The following GSE1 variants were observed in gnomAD, a reference collection of about 807,000 sequenced individuals.
GSE1 encodes Gse1 coiled-coil protein.
Under a neutral mutation model 112.6 loss-of-function variants are expected in GSE1, and 32 were observed. The ratio of observed to expected loss-of-function variants is 0.28; its 90% confidence interval spans 0.21 to 0.38. The LOEUF (loss-of-function observed/expected upper bound fraction) is 0.38. GSE1 is among the 10% of genes least tolerant of loss of function. The pLI is 1.00. For missense variants in GSE1, 2,348 were observed against 1,699.2 expected, an observed-to-expected ratio of 1.38 and a Z score of -6.71; for synonymous variants, 1,115 against 735.6, an observed-to-expected ratio of 1.52 and a Z score of -8.35.
At chr16:85,216,277 A>G (rs1328785986) in intron 1 of GSE1, among the ~76,000 whole-genome samples, 1 of 152,136 alleles carries the variant, frequency 6.6e-6, no homozygotes, top group East Asian at 1.9e-4. Flanking sequence ...GGTGGTGTGC[A>G]CCTGTAGTCC....
intron 8 of GSE1, among the ~76,000 whole-genome samples, chr16:85,660,249 G>T (rs1024883764): frequency 1.3e-5 from 2 of 152,202 alleles, no homozygotes; most frequent in Non-Finnish European, 2.9e-5. Context: ...ACCGAAACTG[G>T]ATCTGTCCCA....
At chr16:85,669,579 G>C (rs535909405) in intron 14 of GSE1, among the ~76,000 whole-genome samples, 1 of 152,020 alleles carries the variant, frequency 6.6e-6, no homozygotes. Flanking sequence ...TAGTGCACTC[G>C]TATATATCCA....
chr16:85,238,459 G>A (rs1299486529), intron 1 of GSE1, among the ~76,000 whole-genome samples: 3 of 152,200 alleles, frequency 2.0e-5, no homozygotes, highest in Non-Finnish European at 4.4e-5. Context: ...TTGGCTCCGG[G>A]CTCTGCAGGC....
In GSE1 at chr16:85,262,529, C is replaced by T. The variant is rs13334892; in HGVS notation, c.2283+90722C>T. On this transcript the variant is annotated intron_variant, in intron 1 of 2. Transcript: ENST00000637419. ...TGGCCTCCCTCCTCCAGCCCCACAT[C>T]GGTGATTTCTAGGGTAACGGTTTCC... Among the ~76,000 whole-genome samples the T allele has an allele frequency of 8.7e-4, 133 of 152,326 alleles. 1 individual carries two copies. The East Asian group carries it at 0.018, about 20-fold the overall frequency.
exon 1 of GSE1, chr16:85,170,580 C>T (rs2074343622): frequency 8.1e-6 from 8 of 985,484 alleles, no homozygotes; most frequent in Non-Finnish European, 8.4e-6. Flanking sequence ...GTGGCCGTGT[C>T]CCCCGGGCTC....
intron 2 of GSE1, among the ~76,000 whole-genome samples, chr16:85,425,790 T>C (rs2048963683): frequency 6.6e-6 from 1 of 152,214 alleles, no homozygotes; most frequent in African/African-American, 2.4e-5. Flanking sequence ...ACGAAGTAAC[T>C]TTTACTTTGG....
chr16:85,609,870 C>T (rs567224782), upstream of GSE1, among the ~76,000 whole-genome samples: 69 of 152,184 alleles, frequency 4.5e-4, 1 homozygote, highest in South Asian at 1.0e-3. Context: ...TTGTCCAGGC[C>T]GGTCTCGAAC....
chr16:85,169,737 G>C (rs1368693473), exon 1 of GSE1: 16 of 983,806 alleles, frequency 1.6e-5, no homozygotes, highest in Non-Finnish European at 1.9e-5. Flanking sequence ...AGGAGCCGGC[G>C]CCCGGCGCGC....
chr16:85,207,095 C>T lies in GSE1; in HGVS notation c.2283+35288C>T, dbSNP rs375608045. On this transcript the variant is annotated intron_variant, in intron 1 of 2. Coordinates refer to the GSE1 transcript ENST00000637419. ...GCTCTTGGTGATGGGGACAGGCTGGCGGCTTGGGGCTCTTGGCGTCTGCAC... is the reference window on the plus strand; with the variant it reads ...GCTCTTGGTGATGGGGACAGGCTGGTGGCTTGGGGCTCTTGGCGTCTGCAC... Among the ~76,000 whole-genome samples, 522 of 152,294 alleles carry T rather than the reference C, an allele frequency of 3.4e-3. 5 individuals carry two copies. The highest frequency in any genetic ancestry group is 0.011 in the African/African-American group (478 of 41,568).
intron 1 of GSE1, among the ~76,000 whole-genome samples, chr16:85,299,247 T>G (rs2045451469): frequency 6.6e-6 from 1 of 152,250 alleles, no homozygotes; most frequent in Non-Finnish European, 1.5e-5. Flanking sequence ...GTTAAGGGGC[T>G]TGGTCCTAAA....
In GSE1 at chr16:85,484,122, C is replaced by T. The variant is rs565536786; in HGVS notation, c.2464+126479C>T. 3.8e-4 allele frequency among the ~76,000 whole-genome samples: 58 copies of T among 152,356 alleles called. No individual in the cohort carries two copies. The Middle Eastern group carries it at 0.02, about 54-fold the overall frequency. On this transcript the variant is annotated intron_variant, in intron 2 of 2. Coordinates refer to the GSE1 transcript ENST00000637419. ...TTATGTGGCTCCCGGACCAGTTATG[C>T]CGTGCAGGAATATGCCCCTTCATAG...
intron 1 of GSE1, among the ~76,000 whole-genome samples, chr16:85,560,592 A>T (rs1401612207): frequency 6.6e-6 from 1 of 152,102 alleles, no homozygotes; most frequent in Non-Finnish European, 1.5e-5. Context: ...CATGTGTGAA[A>T]GGAGATGGGG....
At chr16:85,568,746 A>C (rs1303099480) in intron 1 of GSE1, among the ~76,000 whole-genome samples, 1 of 152,160 alleles carries the variant, frequency 6.6e-6, no homozygotes, top group Non-Finnish European at 1.5e-5. Context: ...TCATTAGCAA[A>C]GTTGAAGCTC....
At chr16:85,485,833 C>T (rs577293165) in intron 2 of GSE1, among the ~76,000 whole-genome samples, 11 of 152,296 alleles carry the variant, frequency 7.2e-5, no homozygotes, top group South Asian at 2.1e-4. Context: ...CTACCCAACC[C>T]GGGCCCCAGG....
At chr16:85,580,680 T>A (rs1598266213) in intron 1 of GSE1, among the ~76,000 whole-genome samples, 1 of 152,212 alleles carries the variant, frequency 6.6e-6, no homozygotes, top group Admixed American at 6.5e-5. Flanking sequence ...ACCCTCAGGG[T>A]GGCTGTATTT....
intron 2 of GSE1, among the ~76,000 whole-genome samples, chr16:85,531,392 G>A (rs368839102): frequency 6.6e-6 from 1 of 152,136 alleles, no homozygotes; most frequent in Non-Finnish European, 1.5e-5. Context: ...GCCCTTGCTT[G>A]GGTAGACGGA....
rs112091580 is a variant in GSE1 at position 85,404,237 on chromosome 16, C to T, written c.2464+46594C>T. On this transcript the variant is annotated intron_variant, in intron 2 of 2. Transcript: ENST00000637419. The stretch of plus-strand genomic sequence containing the variant: ...CTCACCGTTACACTCAGGGCCCCCC[C>T]GGATAATTCTCACTGTTACACTCAG... Among the ~76,000 whole-genome samples, 38 of 80,608 alleles carry T rather than the reference C, an allele frequency of 4.7e-4. 4 individuals are homozygous for T. The highest frequency in any genetic ancestry group is 1.1e-3 in the East Asian group (3 of 2,740). The allele number at this position is 80,608 out of a possible 152,430, so 52.9% of individuals were successfully genotyped here. A position where few individuals can be genotyped will look rare whatever the true frequency, so the allele number is the denominator to read the frequency against.
chr16:85,658,244 G>A (rs1598639717), intron 8 of GSE1, among the ~76,000 whole-genome samples: 1 of 152,074 alleles, frequency 6.6e-6, no homozygotes, highest in Admixed American at 6.6e-5. Flanking sequence ...AGGCCCCCAC[G>A]TCATATACCC....
intron 1 of GSE1, among the ~76,000 whole-genome samples, chr16:85,199,872 G>A (rs2074996901): frequency 1.3e-5 from 2 of 152,138 alleles, no homozygotes; most frequent in African/African-American, 2.4e-5. Flanking sequence ...CAGGGAGGGG[G>A]CTACTGCAGT....
Sources: gnomAD v4.1 joint callset for allele counts (sites outside exome capture counted in the v4.1 genomes callset) on GRCh38, gnomAD v4.1.1 for gene constraint, MANE v1.5 for transcripts, NCBI Gene and HGNC (gene_info 2026-07-23, HGNC 2026-07-21) for gene names.